The following GABRB3 variants were observed in gnomAD, a reference collection of about 807,000 sequenced individuals.
The protein encoded by GABRB3 is gamma-aminobutyric acid receptor subunit beta-3.
In GABRB3, 14 loss-of-function variants were observed where a neutral mutation model predicts 52.1. That is an observed-to-expected ratio of 0.27 (90% confidence interval 0.18 to 0.42). GABRB3 has a LOEUF of 0.42. Ranked by LOEUF, GABRB3 falls within the 10% of genes least tolerant of loss-of-function variation. The pLI is 1.00. For synonymous variants in GABRB3, 260 were observed against 232.3 expected, an observed-to-expected ratio of 1.12 and a Z score of -1.08; for missense variants, 307 against 609.1, an observed-to-expected ratio of 0.50 and a Z score of 5.22.
Position 26,655,586 on chromosome 15 carries a change from C to CA in GABRB3, c.241-34053dup, listed in dbSNP as rs562494663. On this transcript the variant is annotated intron_variant, in intron 3 of 8. Transcript: ENST00000311550. ...TGAAACCCTGTCTCTACTAAAAATACAAAAAATTAGCCAGGCGTGGTGGCG... is the reference window on the plus strand; with the variant it reads ...TGAAACCCTGTCTCTACTAAAAATACAAAAAAATTAGCCAGGCGTGGTGGCG... Among the ~76,000 whole-genome samples, 293 of 152,110 alleles carry CA rather than the reference C, an allele frequency of 1.9e-3. 2 individuals carry two copies. The highest frequency in any genetic ancestry group is 6.7e-3 in the African/African-American group (276 of 41,502).
intron 4 of GABRB3, among the ~76,000 whole-genome samples, chr15:26,606,805 T>TATCGATAGATAG (rs1275882932): frequency 5.9e-5 from 7 of 117,950 alleles, no homozygotes; most frequent in South Asian, 2.7e-4. Context: ...TAGATATATC[T>TATCGATAGATAG]ATAGATAGAT....
At chr15:26,754,103 C>T (rs868255417) in intron 3 of GABRB3, among the ~76,000 whole-genome samples, 3 of 152,092 alleles carry the variant, frequency 2.0e-5, no homozygotes, top group South Asian at 2.1e-4. Flanking sequence ...GCAACATAAA[C>T]CCATGATTTA....
intron 4 of GABRB3, among the ~76,000 whole-genome samples, chr15:26,600,987 G>T (rs1027817320): frequency 6.6e-6 from 1 of 152,244 alleles, no homozygotes; most frequent in Admixed American, 6.5e-5. Flanking sequence ...AATGTGTGTG[G>T]GGGGGAGTAA....
chr15:26,764,826 T>C (rs1327862081), intron 3 of GABRB3, among the ~76,000 whole-genome samples: 3 of 151,934 alleles, frequency 2.0e-5, no homozygotes, highest in East Asian at 3.9e-4. Flanking sequence ...GCCCAAAGAA[T>C]CCCTGTATAA....
intron 4 of GABRB3, among the ~76,000 whole-genome samples, chr15:26,601,926 G>A (rs572022948): frequency 1.3e-5 from 2 of 152,134 alleles, no homozygotes; most frequent in African/African-American, 4.8e-5. Flanking sequence ...TAACATTGAA[G>A]GTAAAGGGAA....
At chr15:26,576,982 C>T (rs1890616368) in intron 6 of GABRB3, among the ~76,000 whole-genome samples, 1 of 152,192 alleles carries the variant, frequency 6.6e-6, no homozygotes, top group Admixed American at 6.5e-5. Flanking sequence ...CATAGATCCT[C>T]TCTAAAAGAT....
At chr15:26,636,789 A>G (rs1330738999) in intron 3 of GABRB3, among the ~76,000 whole-genome samples, 1 of 152,136 alleles carries the variant, frequency 6.6e-6, no homozygotes, top group African/African-American at 2.4e-5. Context: ...TTCTGGAGTC[A>G]TTTTTCACTC....
At chr15:26,748,228 G>A (rs559897128) in intron 3 of GABRB3, among the ~76,000 whole-genome samples, 30 of 152,198 alleles carry the variant, frequency 2.0e-4, no homozygotes, top group African/African-American at 5.8e-4. Context: ...TACTGGTTTC[G>A]TAAAATTAGT....
intron 8 of GABRB3, among the ~76,000 whole-genome samples, chr15:26,554,352 T>C (rs1163195676): frequency 6.6e-6 from 1 of 150,640 alleles, no homozygotes; most frequent in Non-Finnish European, 1.5e-5. Flanking sequence ...AAATACCATC[T>C]CTTTTCTAGT....
rs78447195 is a variant in GABRB3 at position 26,545,758 on chromosome 15, T to C, written c.*2035A>G. ...CCCCCATTGTTACCCATGGAAAAAA[T>C]GGTCAGAGAAAAGCCAAAGCCAAAG... On this transcript the variant is annotated 3_prime_UTR_variant, in exon 9 of 9. Coordinates refer to ENST00000311550, the MANE Select transcript of GABRB3 (RefSeq NM_000814.6). The C allele has an allele frequency of 6.6e-6, 1 of 152,146 alleles. No individual in the cohort carries two copies. The highest frequency in any genetic ancestry group is 2.4e-5 in the African/African-American group (1 of 41,152). 9.4% of individuals were successfully genotyped at this position (152,146 alleles called of 1,614,324 possible).
At chr15:26,719,778 G>A (rs1889594612) in intron 3 of GABRB3, among the ~76,000 whole-genome samples, 1 of 152,152 alleles carries the variant, frequency 6.6e-6, no homozygotes, top group Non-Finnish European at 1.5e-5. Flanking sequence ...AGGACAATAA[G>A]AGAAAGATGA....
chr15:26,622,137 C>G (rs1892506141), intron 3 of GABRB3, among the ~76,000 whole-genome samples: 1 of 151,964 alleles, frequency 6.6e-6, no homozygotes, highest in African/African-American at 2.4e-5. Flanking sequence ...ATAAAATCAC[C>G]CGGAGATGAT....
chr15:26,632,079 C>T (rs995859165), intron 3 of GABRB3, among the ~76,000 whole-genome samples: 1 of 152,210 alleles, frequency 6.6e-6, no homozygotes, highest in Non-Finnish European at 1.5e-5. Context: ...CCTACTGGCC[C>T]AGCAAGTGAC....
chr15:26,710,631 T>C (rs1889262205), intron 3 of GABRB3, among the ~76,000 whole-genome samples: 1 of 152,166 alleles, frequency 6.6e-6, no homozygotes, highest in Non-Finnish European at 1.5e-5. Context: ...AACCTTCAAA[T>C]AGTTTTCCAG....
At chr15:26,677,284 G>A (rs1888100132) in intron 3 of GABRB3, among the ~76,000 whole-genome samples, 2 of 152,250 alleles carry the variant, frequency 1.3e-5, no homozygotes, top group East Asian at 1.9e-4. Flanking sequence ...CTTTCCCTTC[G>A]CTGATTTCAA....
chr15:26,687,029 G>A (rs985575523), intron 3 of GABRB3, among the ~76,000 whole-genome samples: 3 of 152,224 alleles, frequency 2.0e-5, no homozygotes, highest in Admixed American at 2.0e-4. Context: ...GCCAAGAGGC[G>A]CACAGGGATG....
At chr15:26,720,899 A>G (rs547829050) in intron 3 of GABRB3, among the ~76,000 whole-genome samples, 1 of 152,110 alleles carries the variant, frequency 6.6e-6, no homozygotes, top group African/African-American at 2.4e-5. Flanking sequence ...TTATCAGAAA[A>G]GTGTTAAAAA....
intron 3 of GABRB3, among the ~76,000 whole-genome samples, chr15:26,707,287 T>G (rs1889134319): frequency 6.6e-6 from 1 of 152,016 alleles, no homozygotes; most frequent in South Asian, 2.1e-4. Flanking sequence ...CCGATAGATA[T>G]TAAAGGAATA....
Position 26,772,917 on chromosome 15 carries a change from G to T in GABRB3, c.46C>A (p.Pro16Thr), listed in dbSNP as rs1242309134. The change falls in exon 1 of 9, where the codon CCG becomes ACG. Residue 16 changes from proline to threonine, a missense_variant. This residue lies in a region of GABRB3 where 90 missense variants were observed against 86.4 expected (regional missense o/e 1.04). Coordinates refer to ENST00000311550, the MANE Select transcript of GABRB3 (RefSeq NM_000814.6). Reference protein sequence around the residue: ...GGRLFGIFSAPVLVAVVCCAQ... With the variant: ...GGRLFGIFSATVLVAVVCCAQ... Reference sequence around the variant, plus strand: ...CAGCACACCACAGCCACCAGCACCGGGGCCGAGAAGATGCCGAAAAGCCTT... The same window carrying T: ...CAGCACACCACAGCCACCAGCACCGTGGCCGAGAAGATGCCGAAAAGCCTT... 2 of 1,496,066 alleles carry T rather than the reference G, an allele frequency of 1.3e-6. No individual in the cohort carries two copies. Among genetic ancestry groups the T allele is most frequent in the East Asian group, 2.9e-5 (1 of 34,414 alleles). The allele number at this position is 1,496,066 out of a possible 1,614,324, so 92.7% of individuals were successfully genotyped here. A position where few individuals can be genotyped will look rare whatever the true frequency, so the allele number is the denominator to read the frequency against.
Sources: allele counts gnomAD v4.1 joint callset (sites outside exome capture counted in the v4.1 genomes callset), GRCh38; gene constraint gnomAD v4.1.1; regional missense constraint gnomAD v4.1.1; transcripts MANE v1.5; gene names NCBI Gene and HGNC (gene_info 2026-07-23, HGNC 2026-07-21).